Variants in RGS17 observed in about 807,000 individuals in gnomAD.
RGS17 encodes regulator of G-protein signaling 17.
In RGS17, 12 loss-of-function variants were observed where a neutral mutation model predicts 25.5. The observed-to-expected ratio is 0.47, with a 90% CI of 0.30 to 0.76. The LOEUF is 0.76. Among genes scored for constraint, RGS17 ranks in the 30% least tolerant of loss-of-function variants. RGS17 has a pLI of 0.07. For missense variants in RGS17, 196 were observed against 242.2 expected (o/e 0.81, Z 1.27); for synonymous variants, 71 against 76.9 (o/e 0.92, Z 0.40).
At chr6:153,054,429 C>T (rs1037795066) in intron 1 of RGS17, among the ~76,000 whole-genome samples, 4 of 151,500 alleles carry the variant, frequency 2.6e-5, no homozygotes, top group Non-Finnish European at 5.9e-5. Flanking sequence ...ATGAGCAGAT[C>T]ACTTCAGGTC....
intron 1 of RGS17, among the ~76,000 whole-genome samples, chr6:153,083,541 T>C (rs979587181): frequency 2.0e-5 from 3 of 152,206 alleles, no homozygotes; most frequent in Non-Finnish European, 4.4e-5. Flanking sequence ...TCTGTTTTTA[T>C]GGAAATAAGG....
chr6:153,110,449 C>CAG (rs1252615145), intron 1 of RGS17, among the ~76,000 whole-genome samples: 7 of 151,838 alleles, frequency 4.6e-5, no homozygotes, highest in African/African-American at 1.7e-4. Flanking sequence ...CACACACACA[C>CAG]ACACACACTT....
chr6:153,034,283 A>G (rs1045635661), intron 2 of RGS17, among the ~76,000 whole-genome samples: 1 of 152,092 alleles, frequency 6.6e-6, no homozygotes, highest in Non-Finnish European at 1.5e-5. Flanking sequence ...AAAAGTTACA[A>G]CACTCTGGGA....
intron 1 of RGS17, among the ~76,000 whole-genome samples, chr6:153,110,755 C>T (rs1244553886): frequency 6.6e-6 from 1 of 152,188 alleles, no homozygotes; most frequent in Admixed American, 6.5e-5. Flanking sequence ...CTCATTGCGA[C>T]TGCTTAGACA....
chr6:153,028,063 T>C (rs1368507713), intron 2 of RGS17, among the ~76,000 whole-genome samples: 1 of 152,074 alleles, frequency 6.6e-6, no homozygotes, highest in Non-Finnish European at 1.5e-5. Context: ...TGAGGCTAGA[T>C]AGGAAAACTG....
At chr6:153,084,725 G>A (rs537233932) in intron 1 of RGS17, among the ~76,000 whole-genome samples, 2 of 152,296 alleles carry the variant, frequency 1.3e-5, no homozygotes, top group Admixed American at 6.5e-5. Context: ...GTAATAGGAC[G>A]TTTTGTAAGC....
chr6:153,039,969 C>T (rs1219922724), intron 2 of RGS17, among the ~76,000 whole-genome samples: 2 of 152,112 alleles, frequency 1.3e-5, no homozygotes, highest in African/African-American at 4.8e-5. Context: ...TTCCACTTGC[C>T]AGTGTCAACC....
At chr6:153,118,364 C>T (rs1047947327) in intron 1 of RGS17, among the ~76,000 whole-genome samples, 8 of 152,208 alleles carry the variant, frequency 5.3e-5, no homozygotes, top group Admixed American at 2.6e-4. Context: ...TCAGCAGAAC[C>T]ACTGTTCATC....
intron 2 of RGS17, among the ~76,000 whole-genome samples, chr6:153,040,127 C>T (rs1776303715): frequency 7.4e-6 from 1 of 135,254 alleles, no homozygotes; most frequent in Non-Finnish European, 1.6e-5. Flanking sequence ...CCTGTTTTCT[C>T]TTCTTTAATT....
chr6:153,128,167 C>T (rs1031787678), intron 1 of RGS17, among the ~76,000 whole-genome samples: 1 of 152,170 alleles, frequency 6.6e-6, no homozygotes, highest in South Asian at 2.1e-4. Flanking sequence ...ACCCTTGACA[C>T]TCCCTTGGAA....
Position 153,008,224 on chromosome 6 carries a change from A to T in RGS17, c.*3350T>A, listed in dbSNP as rs1464946021. On this transcript the variant is annotated 3_prime_UTR_variant, in exon 5 of 5. Transcript: ENST00000206262. ...CAGGTAGATAAACAACACGTATTTC[A>T]TTCTGTAAGTCAGAACCTAGGCAGC... 6.6e-6 allele frequency: 1 copy of T among 152,182 alleles called. No individual in the cohort carries two copies. Among genetic ancestry groups the T allele is most frequent in the East Asian group, 1.9e-4 (1 of 5,200 alleles). The allele number at this position is 152,182 out of a possible 1,614,324, so 9.4% of individuals were successfully genotyped here.
chr6:153,128,088 G>A (rs1322781640), intron 1 of RGS17, among the ~76,000 whole-genome samples: 2 of 152,004 alleles, frequency 1.3e-5, no homozygotes, highest in South Asian at 2.1e-4. Context: ...TGAAAGTCTT[G>A]GCTACCTATT....
At chr6:153,120,904 C>G (rs1472262424) in intron 1 of RGS17, among the ~76,000 whole-genome samples, 1 of 152,164 alleles carries the variant, frequency 6.6e-6, no homozygotes, top group East Asian at 1.9e-4. Flanking sequence ...GTCACAACCT[C>G]TATGACACTT....
At chr6:153,040,952 G>A (rs1390715989) in intron 2 of RGS17, among the ~76,000 whole-genome samples, 6 of 147,130 alleles carry the variant, frequency 4.1e-5, no homozygotes, top group Non-Finnish European at 5.9e-5. Context: ...GAGCCCAGGA[G>A]TTCAAGAGCA....
chr6:153,025,637 T>C (rs1176392523), intron 3 of RGS17, among the ~76,000 whole-genome samples: 3 of 145,782 alleles, frequency 2.1e-5, no homozygotes, highest in South Asian at 2.1e-4. Context: ...TTTATATATA[T>C]ATATAAACAT....
intron 2 of RGS17, among the ~76,000 whole-genome samples, chr6:153,031,937 AG>A (rs1323162295): frequency 6.6e-6 from 1 of 152,196 alleles, no homozygotes; most frequent in African/African-American, 2.4e-5. Context: ...TGAAAGAGGA[AG>A]GACAAAAGTA....
At chr6:153,076,212 G>C (rs958413627) in intron 1 of RGS17, among the ~76,000 whole-genome samples, 1 of 151,826 alleles carries the variant, frequency 6.6e-6, no homozygotes, top group East Asian at 1.9e-4. Flanking sequence ...AATTTCACCT[G>C]GTAGGATTCT....
Position 153,103,541 on chromosome 6 carries a change from T to G in RGS17, c.-26+27583A>C, listed in dbSNP as rs561940141. ...TGCAGTTGCTGAGGTTGCCAGGATA[T>G]TCGTCTATTCTTGTCCTCCATGATC... On this transcript the variant is annotated intron_variant, in intron 1 of 4. Coordinates refer to ENST00000206262, the MANE Select transcript of RGS17 (RefSeq NM_012419.5). Among the ~76,000 whole-genome samples the G allele has an allele frequency of 4.6e-5, 7 of 152,260 alleles. No individual in the cohort carries two copies. In the South Asian group the frequency reaches 1.5e-3, roughly 32 times the overall value.
At chr6:153,077,524 G>T (rs1311361090) in intron 1 of RGS17, among the ~76,000 whole-genome samples, 2 of 152,140 alleles carry the variant, frequency 1.3e-5, no homozygotes, top group Non-Finnish European at 2.9e-5. Context: ...TATGACATCT[G>T]TGGCCTTTTA....
Sources: allele counts gnomAD v4.1 joint callset (sites outside exome capture counted in the v4.1 genomes callset), GRCh38; gene constraint gnomAD v4.1.1; transcripts MANE v1.5; gene names NCBI Gene and HGNC (gene_info 2026-07-23, HGNC 2026-07-21).